DUSP10: variants seen among roughly 807,000 people sequenced by gnomAD.
DUSP10 encodes the protein dual specificity phosphatase 10.
DUSP10 carries 14 observed loss-of-function variants against 30.8 expected under a neutral mutation model. The observed-to-expected ratio is 0.46, with a 90% CI of 0.30 to 0.71. The LOEUF (loss-of-function observed/expected upper bound fraction) is 0.71. Among genes scored for constraint, DUSP10 ranks in the 30% least tolerant of loss-of-function variants. The pLI is 0.08. For synonymous variants in DUSP10, 254 were observed against 250.4 expected (o/e 1.01, Z -0.14); for missense variants, 550 against 619.4 (o/e 0.89, Z 1.19).
chr1:221,736,848 C>T lies in DUSP10; in HGVS notation c.811+2086G>A, dbSNP rs1274232349. ...AAAACTACAAATAATCTAACCTCTA[C>T]CACCAGAGCATCTTCCAAGTCGACT... On this transcript the variant is annotated intron_variant, in intron 2 of 3. Coordinates refer to ENST00000366899, the MANE Select transcript of DUSP10 (RefSeq NM_007207.6). 2.9e-5 allele frequency: 29 copies of T among 985,452 alleles called. No individual in the cohort carries two copies. The South Asian group carries it at 3.8e-4, about 13-fold the overall frequency. 61.0% of individuals were successfully genotyped at this position (985,452 alleles called of 1,614,324 possible). A position where few individuals can be genotyped will look rare whatever the true frequency, so the allele number is the denominator to read the frequency against.
intron 2 of DUSP10, among the ~76,000 whole-genome samples, chr1:221,735,113 T>C (rs907206763): frequency 6.6e-6 from 1 of 152,246 alleles, no homozygotes; most frequent in Non-Finnish European, 1.5e-5. Flanking sequence ...CCTAACTGCC[T>C]GCATGATCAA....
chr1:221,716,496 C>A (rs191636233), intron 2 of DUSP10, among the ~76,000 whole-genome samples: 97 of 152,348 alleles, frequency 6.4e-4, no homozygotes, highest in Non-Finnish European at 1.1e-3. Flanking sequence ...CCTCCATCCA[C>A]AGACCTTCCT....
rs1438288846 is a variant in DUSP10, at chr1:221,702,702, G to C, written c.1184-25C>G. The C allele has an allele frequency of 6.2e-7, 1 of 1,610,290 alleles. No homozygotes were observed. The highest frequency in any genetic ancestry group is 1.3e-5 in the African/African-American group (1 of 74,750). On this transcript the variant is annotated intron_variant, in intron 3 of 3. Transcript: ENST00000366899. The surrounding 1 kb of genome is among the most constrained non-coding windows in gnomAD (Gnocchi z 4.5). ...TCTGAAAAAAGGGAGAAAGACAAGAGATGAAGGGAAGATGGAAGAGAGAGG... is the reference window on the plus strand; with the variant it reads ...TCTGAAAAAAGGGAGAAAGACAAGACATGAAGGGAAGATGGAAGAGAGAGG...
At chr1:221,703,142 A>T (rs796868547) in intron 3 of DUSP10, among the ~76,000 whole-genome samples, 16 of 152,224 alleles carry the variant, frequency 1.1e-4, no homozygotes, top group African/African-American at 3.9e-4. Context: ...AAGGGGAAAA[A>T]TTATACACAC....
At chr1:221,738,089 T>C (rs1661834135) in intron 2 of DUSP10, among the ~76,000 whole-genome samples, 1 of 152,186 alleles carries the variant, frequency 6.6e-6, no homozygotes, top group Non-Finnish European at 1.5e-5. Context: ...GGGCACAGGA[T>C]GCAGGCTACT....
chr1:221,715,221 A>T (rs764522692), intron 2 of DUSP10, among the ~76,000 whole-genome samples: 2 of 152,276 alleles, frequency 1.3e-5, no homozygotes, highest in Non-Finnish European at 2.9e-5. Flanking sequence ...AGTCAGAAAC[A>T]TCCAATGATT....
intron 2 of DUSP10, among the ~76,000 whole-genome samples, chr1:221,729,567 G>A (rs190315535): frequency 1.2e-4 from 19 of 152,286 alleles, no homozygotes; most frequent in Non-Finnish European, 2.2e-4. Context: ...ATAAAATGAC[G>A]TTCACAGAGC....
intron 2 of DUSP10, 128 bp downstream of exon 2, chr1:221,738,806 G>T (rs1409321512): frequency 8.2e-7 from 1 of 1,213,420 alleles, no homozygotes; most frequent in Non-Finnish European, 1.1e-6. Context: ...GCATAGAAGG[G>T]AAGAGAAGAA....
chr1:221,729,464 G>T (rs1414270102), intron 2 of DUSP10, among the ~76,000 whole-genome samples: 1 of 152,186 alleles, frequency 6.6e-6, no homozygotes, highest in Non-Finnish European at 1.5e-5. Context: ...ATAAGAACTG[G>T]ATTTCAATCC....
In DUSP10 at chr1:221,702,422, G is replaced by T; in HGVS notation, c.1439C>A (p.Thr480Lys). 1 of 1,613,560 alleles carries T rather than the reference G, an allele frequency of 6.2e-7. No homozygotes were observed. Among genetic ancestry groups the T allele is most frequent in the Non-Finnish European group, 8.5e-7 (1 of 1,179,886 alleles). Residue 480 changes from threonine to lysine, a missense_variant, in exon 4 of 4, where the codon ACG (threonine) becomes AAG (lysine). Transcript: ENST00000366899. This position sits in a 1 kb window ranked among gnomAD's most constrained non-coding sequence, Gnocchi z 4.5. ...ILTPKLMGVE[T>K]VV ...CCATCCAGACCATTGTCACACAACC[G>T]TCTCCACGCCCATCAGCTTTGGTGT...
chr1:221,716,716 AAGAC>A (rs1188999164), intron 2 of DUSP10, among the ~76,000 whole-genome samples: 1 of 152,200 alleles, frequency 6.6e-6, no homozygotes, highest in Admixed American at 6.5e-5. Context: ...GGCCGACAGA[AAGAC>A]AGCCAAGTTC....
At chr1:221,728,841 A>G (rs4275462) in intron 2 of DUSP10, among the ~76,000 whole-genome samples, 20,407 of 152,164 alleles carry the variant, frequency 0.13, 1,420 homozygotes, top group African/African-American at 0.15. Flanking sequence ...TTGTTCATCT[A>G]CTTCCTACTC....
At chr1:221,709,345 G>T (rs966700632) in intron 2 of DUSP10, among the ~76,000 whole-genome samples, 5 of 151,836 alleles carry the variant, frequency 3.3e-5, no homozygotes, top group Admixed American at 3.3e-4. Context: ...GGGGGAGGAG[G>T]GAATTTGAGA....
intron 2 of DUSP10, among the ~76,000 whole-genome samples, chr1:221,717,464 GA>G (rs1661139710): frequency 6.6e-6 from 1 of 152,020 alleles, no homozygotes; most frequent in Non-Finnish European, 1.5e-5. Flanking sequence ...GAAACAGAGA[GA>G]GAGAGAGAGA....
chr1:221,721,260 T>C (rs1443557177), intron 2 of DUSP10, among the ~76,000 whole-genome samples: 1 of 152,224 alleles, frequency 6.6e-6, no homozygotes, highest in Non-Finnish European at 1.5e-5. Context: ...GACCAGTTTA[T>C]TGTAAAGCAT....
chr1:221,734,594 G>C (rs1232590094), intron 2 of DUSP10, among the ~76,000 whole-genome samples: 1 of 152,130 alleles, frequency 6.6e-6, no homozygotes, highest in Non-Finnish European at 1.5e-5. Flanking sequence ...CTAACACTTT[G>C]AGATAGCTAT....
chr1:221,740,407 A>G (rs562517322), intron 1 of DUSP10, among the ~76,000 whole-genome samples: 1 of 152,366 alleles, frequency 6.6e-6, no homozygotes, highest in South Asian at 2.1e-4. Flanking sequence ...GAAAAGCACA[A>G]CATAGTCATA....
chr1:221,725,459 G>A (rs960811072), intron 2 of DUSP10, among the ~76,000 whole-genome samples: 1 of 152,156 alleles, frequency 6.6e-6, no homozygotes, highest in Non-Finnish European at 1.5e-5. Flanking sequence ...ATTCACTGGA[G>A]CAGAAATGGG....
chr1:221,722,560 G>C (rs1661307777), intron 2 of DUSP10, among the ~76,000 whole-genome samples: 1 of 152,204 alleles, frequency 6.6e-6, no homozygotes, highest in Non-Finnish European at 1.5e-5. Flanking sequence ...ATTTCTTTTT[G>C]AAAGAGGCTT....
Sources: gnomAD v4.1 joint callset for allele counts (sites outside exome capture counted in the v4.1 genomes callset) on GRCh38, gnomAD v4.1.1 for gene constraint, Gnocchi (gnomAD v3.1) non-coding constraint, MANE v1.5 for transcripts, NCBI Gene and HGNC (gene_info 2026-07-23, HGNC 2026-07-21) for gene names.